Variants in USH2A observed in about 807,000 individuals in gnomAD.
USH2A encodes Usher syndrome 2A (autosomal recessive, mild).
A neutral mutation model predicts 538.9 loss-of-function variants in USH2A; 443 were observed. The observed-to-expected ratio is 0.82, with a 90% CI of 0.76 to 0.89. USH2A has a LOEUF of 0.89. Ranked by LOEUF, USH2A falls within the 40% of genes least tolerant of loss-of-function variation. The pLI is 0.00. For synonymous variants in USH2A, 2,413 were observed against 2,273.5 expected, an observed-to-expected ratio of 1.06 and a Z score of -1.75; for missense variants, 6,633 against 6,324.8, an observed-to-expected ratio of 1.05 and a Z score of -1.65.
rs533131780 is a variant in USH2A, at chr1:215,668,043, T to C, written c.14133+2929A>G. ...TTAATCCTTCCCCACTGCTAGGAAG[T>C]TTCTCAGGTCTTTGTTTTTATTCCC... On this transcript the variant is annotated intron_variant, in intron 64 of 71. Coordinates refer to ENST00000307340, the MANE Select transcript of USH2A (RefSeq NM_206933.4). Among the ~76,000 whole-genome samples, 10 of 152,266 alleles carry C rather than the reference T, an allele frequency of 6.6e-5. No homozygotes were observed. The South Asian group carries it at 2.1e-3, about 32-fold the overall frequency.
chr1:215,675,519 G>T lies in USH2A; in HGVS notation c.12392C>A (p.Thr4131Asn). 1 of 1,614,066 alleles carries T rather than the reference G, an allele frequency of 6.2e-7. No homozygotes were observed. Among genetic ancestry groups the T allele is most frequent in the Non-Finnish European group, 8.5e-7 (1 of 1,180,000 alleles). Reference sequence around the variant, plus strand: ...ACCTGCTCTGGTGCAGGCCTCCAGGGTCAGTGTGTAGAGAGTGAAAGGATC... The same window carrying T: ...ACCTGCTCTGGTGCAGGCCTCCAGGTTCAGTGTGTAGAGAGTGAAAGGATC... The part of the protein sequence containing the change: ...RLDPFTLYTL[T>N]LEACTRAGCA... Residue 4131 changes from threonine to asparagine, a missense_variant, in exon 63 of 72, where the codon ACC becomes AAC. Coordinates refer to ENST00000307340, the MANE Select transcript of USH2A (RefSeq NM_206933.4).
chr1:215,672,740 A>G (rs1409828698), intron 63 of USH2A, among the ~76,000 whole-genome samples: 2 of 152,148 alleles, frequency 1.3e-5, no homozygotes, highest in African/African-American at 4.8e-5. Context: ...AAAACAAAAA[A>G]CCACGCATGA....
chr1:216,336,750 T>G (rs2037982587), intron 4 of USH2A, among the ~76,000 whole-genome samples: 1 of 151,464 alleles, frequency 6.6e-6, no homozygotes, highest in African/African-American at 2.4e-5. Context: ...ATCATGCACC[T>G]TATGTAAAAG....
At chr1:215,694,429 C>T (rs1347634454) in intron 61 of USH2A, among the ~76,000 whole-genome samples, 3 of 152,020 alleles carry the variant, frequency 2.0e-5, no homozygotes, top group African/African-American at 4.8e-5. Flanking sequence ...AAAAATTAGA[C>T]GGGCGTGGTT....
At chr1:215,767,735 CATT>C (rs1558089209) in intron 55 of USH2A, among the ~76,000 whole-genome samples, 1 of 152,116 alleles carries the variant, frequency 6.6e-6, no homozygotes. Flanking sequence ...AATGGGGAAT[CATT>C]ATAGCATCTA....
chr1:216,129,498 TAAAGA>T (rs2102601077), intron 21 of USH2A, among the ~76,000 whole-genome samples: 1 of 151,764 alleles, frequency 6.6e-6, no homozygotes, highest in Admixed American at 6.6e-5. Flanking sequence ...TGGAATAAAC[TAAAGA>T]AGTGAAAAAT....
intron 43 of USH2A, among the ~76,000 whole-genome samples, chr1:215,871,278 A>G (rs1322754133): frequency 6.6e-6 from 1 of 152,214 alleles, no homozygotes; most frequent in Non-Finnish European, 1.5e-5. Flanking sequence ...GTGGAACAAT[A>G]TTCATTTCAA....
At chr1:216,249,776 A>T (rs1313355904) in intron 12 of USH2A, among the ~76,000 whole-genome samples, 4 of 152,150 alleles carry the variant, frequency 2.6e-5, no homozygotes. Context: ...CATAAATAAA[A>T]GATAAAGAAT....
At chr1:216,150,047 G>A (rs966999284) in intron 21 of USH2A, among the ~76,000 whole-genome samples, 4 of 151,866 alleles carry the variant, frequency 2.6e-5, no homozygotes, top group Non-Finnish European at 5.9e-5. Flanking sequence ...AGGTCTGTTC[G>A]TCCTTACCCT....
intron 20 of USH2A, among the ~76,000 whole-genome samples, chr1:216,181,409 C>T (rs1273937012): frequency 2.0e-5 from 3 of 152,056 alleles, no homozygotes; most frequent in Non-Finnish European, 4.4e-5. Context: ...CTGGTTTATC[C>T]CCTTCAGCTC....
intron 32 of USH2A, among the ~76,000 whole-genome samples, chr1:216,034,776 C>G (rs1669208966): frequency 6.6e-6 from 1 of 152,134 alleles, no homozygotes; most frequent in African/African-American, 2.4e-5. Context: ...AGGATTCTCC[C>G]CTACAGTTTT....
chr1:216,367,199 T>C (rs2809299), intron 3 of USH2A, among the ~76,000 whole-genome samples: 92,211 of 152,020 alleles, frequency 0.61, 29,411 homozygotes, highest in East Asian at 0.83. Context: ...AACATATACA[T>C]GTTTTATATC....
intron 61 of USH2A, among the ~76,000 whole-genome samples, chr1:215,712,968 G>A (rs932189811): frequency 2.6e-5 from 4 of 151,996 alleles, no homozygotes; most frequent in African/African-American, 7.2e-5. Flanking sequence ...CACCATGCCC[G>A]GCTAATTTGT....
intron 29 of USH2A, among the ~76,000 whole-genome samples, 174 bp from the exon 30 acceptor site, chr1:216,070,466 T>C (rs1043918766): frequency 1.3e-5 from 2 of 152,114 alleles, no homozygotes; most frequent in East Asian, 1.9e-4. Context: ...TCTTGAGCCA[T>C]TCAGTTTAAG....
chr1:215,990,760 C>CTTTTT (rs35293238), intron 35 of USH2A, among the ~76,000 whole-genome samples: 3 of 114,568 alleles, frequency 2.6e-5, no homozygotes, highest in Non-Finnish European at 3.4e-5. Flanking sequence ...CTTAATTTTC[C>CTTTTT]TTTTTTTTTT....
chr1:216,394,875 C>T lies in USH2A; in HGVS notation c.651+23639G>A, dbSNP rs548811276. Among the ~76,000 whole-genome samples the T allele has an allele frequency of 2.9e-3, 433 of 151,814 alleles. 3 individuals carry two copies. The highest frequency in any genetic ancestry group is 9.9e-3 in the African/African-American group (410 of 41,428). Reference sequence around the variant, plus strand: ...CTGGGACTACAGGCGCCCGCCACCACGCCCGGCTAATTTTTTGTATTTTTA... The same window carrying T: ...CTGGGACTACAGGCGCCCGCCACCATGCCCGGCTAATTTTTTGTATTTTTA... On this transcript the variant is annotated intron_variant, in intron 3 of 71. Transcript: ENST00000307340.
At chr1:215,832,848 G>C (rs1426747310) in intron 47 of USH2A, among the ~76,000 whole-genome samples, 1 of 151,826 alleles carries the variant, frequency 6.6e-6, no homozygotes, top group Non-Finnish European at 1.5e-5. Flanking sequence ...AAGCTCTTAA[G>C]ACTTACAAGG....
intron 3 of USH2A, among the ~76,000 whole-genome samples, chr1:216,417,921 C>G (rs1424000538): frequency 6.6e-6 from 1 of 152,118 alleles, no homozygotes; most frequent in Non-Finnish European, 1.5e-5. Flanking sequence ...AACTGTGCCT[C>G]TCTTCTGGAG....
At chr1:215,708,238 A>G (rs1177904489) in intron 61 of USH2A, among the ~76,000 whole-genome samples, 4 of 152,162 alleles carry the variant, frequency 2.6e-5, no homozygotes, top group East Asian at 1.9e-4. Flanking sequence ...TTATTTCCTT[A>G]TCTTGTTTAT....
Sources: gnomAD v4.1 joint callset for allele counts (sites outside exome capture counted in the v4.1 genomes callset) on GRCh38, gnomAD v4.1.1 for gene constraint, MANE v1.5 for transcripts, NCBI Gene and HGNC (gene_info 2026-07-23, HGNC 2026-07-21) for gene names.